Variants in ANKFY1 observed in about 807,000 individuals in gnomAD.
ANKFY1 encodes the protein ankyrin repeat and FYVE domain containing 1, also known as ankyrin repeat and FYVE domain-containing protein 1.
A neutral mutation model predicts 128.3 loss-of-function variants in ANKFY1; 47 were observed. The observed-to-expected ratio is 0.37, with a 90% CI of 0.29 to 0.47. The LOEUF (loss-of-function observed/expected upper bound fraction) is 0.47. ANKFY1 is among the 20% of genes least tolerant of loss of function. ANKFY1 has a pLI of 1.00. For synonymous variants in ANKFY1, 553 were observed against 601.6 expected, an observed-to-expected ratio of 0.92 and a Z score of 1.18; for missense variants, 1,222 against 1,510.6, an observed-to-expected ratio of 0.81 and a Z score of 3.17.
At chr17:4,257,079 T>C (rs1384784893) in intron 1 of ANKFY1, among the ~76,000 whole-genome samples, 1 of 152,180 alleles carries the variant, frequency 6.6e-6, no homozygotes, top group Admixed American at 6.5e-5. Context: ...TCCAATCTAT[T>C]CCTCCTCTAC....
At chr17:4,203,263 TTCA>T (rs2059965367) in intron 7 of ANKFY1, among the ~76,000 whole-genome samples, 1 of 152,190 alleles carries the variant, frequency 6.6e-6, no homozygotes, top group South Asian at 2.1e-4. Context: ...TTTCAGTTAC[TTCA>T]TCACCTCATT....
intron 1 of ANKFY1, among the ~76,000 whole-genome samples, chr17:4,257,300 C>CCAAT (rs2143556225): frequency 6.6e-6 from 1 of 152,292 alleles, no homozygotes; most frequent in Non-Finnish European, 1.5e-5. Flanking sequence ...TCCTTTCTTC[C>CCAAT]CAATCCATCC....
At chr17:4,221,073 T>C (rs1413674435) in intron 3 of ANKFY1, among the ~76,000 whole-genome samples, 1 of 152,238 alleles carries the variant, frequency 6.6e-6, no homozygotes, top group Non-Finnish European at 1.5e-5. Context: ...TTGGAGACTT[T>C]AGGATTTTCT....
In ANKFY1 at chr17:4,178,894, T is replaced by G; in HGVS notation, c.2561A>C (p.Glu854Ala). 6.2e-7 allele frequency: 1 copy of G among 1,614,224 alleles called. No homozygotes were observed. The highest frequency in any genetic ancestry group is 8.5e-7 in the Non-Finnish European group (1 of 1,180,030). The change falls in exon 18 of 25, where the codon GAG becomes GCG. Residue 854 changes from glutamate (E) to alanine (A), a missense_variant. Physicochemically the swap from Glu to Ala is moderately radical, Grantham distance 107 (BLOSUM62 -1). Coordinates refer to ENST00000341657, the MANE Select transcript of ANKFY1 (RefSeq NM_001330063.2). This position sits in a 1 kb window ranked among gnomAD's most constrained non-coding sequence, Gnocchi z 4.1. ...CCCGGACTCTCGTTTGAGAATGGCC[T>G]CGGCTGACTTGTTGTTCTTGAAAGT... ...AMTFKNNKSA[E>A]AILKRESGAA... is the part of the protein sequence containing the mutation.
intron 7 of ANKFY1, among the ~76,000 whole-genome samples, chr17:4,199,668 T>C (rs1325231383): frequency 3.9e-5 from 6 of 152,200 alleles, no homozygotes; most frequent in Non-Finnish European, 7.3e-5. Flanking sequence ...TGACTCTAGA[T>C]TGGTTCTACA....
At chr17:4,227,976 A>C (rs142697461) in intron 3 of ANKFY1, among the ~76,000 whole-genome samples, 290 of 152,298 alleles carry the variant, frequency 1.9e-3, no homozygotes, top group African/African-American at 6.6e-3. Context: ...CTTAACATTA[A>C]ACAGTCCCTC....
rs2059232430 is a variant in ANKFY1 at position 4,167,600 on chromosome 17, C to T, written c.*179G>A. 3 of 578,440 alleles carry T rather than the reference C, an allele frequency of 5.2e-6. No homozygotes were observed. The highest frequency in any genetic ancestry group is 8.4e-6 in the Non-Finnish European group (3 of 355,292). The allele number at this position is 578,440 out of a possible 1,614,324, so 35.8% of individuals were successfully genotyped here. A position where few individuals can be genotyped will look rare whatever the true frequency, so the allele number is the denominator to read the frequency against. On this transcript the variant is annotated 3_prime_UTR_variant, in exon 25 of 25. Coordinates refer to ENST00000341657, the MANE Select transcript of ANKFY1 (RefSeq NM_001330063.2). This position sits in a 1 kb window ranked among gnomAD's most constrained non-coding sequence, Gnocchi z 4.1. ...AATCGATCACAGTCTGACACACACA[C>T]TGACAATCATATGGAATCATTTGAA...
At chr17:4,245,726 G>T (rs773051981) in intron 1 of ANKFY1, among the ~76,000 whole-genome samples, 1 of 142,654 alleles carries the variant, frequency 7.0e-6, no homozygotes, top group Admixed American at 7.3e-5. Flanking sequence ...CTGGACAACA[G>T]AGCAAGACCC....
intron 1 of ANKFY1, among the ~76,000 whole-genome samples, chr17:4,262,777 C>A (rs776949832): frequency 9.9e-5 from 15 of 152,200 alleles, no homozygotes; most frequent in Non-Finnish European, 1.9e-4. Flanking sequence ...CCAAAACCAA[C>A]TGGGTGTCAG....
intron 3 of ANKFY1, chr17:4,223,787 C>A (rs2060370398): frequency 2.0e-6 from 3 of 1,509,584 alleles, no homozygotes; most frequent in Non-Finnish European, 2.7e-6. Flanking sequence ...GCAGCTGGTA[C>A]AGTGTCTCAC....
At position 4,167,403 on chromosome 17, in the gene ANKFY1, C is replaced by G. The variant is rs2059229224; in HGVS notation, c.*376G>C. ...GAGAGGCTCTGCCTCATCAGTCAGC[C>G]CAGGCGGGAAGACTTCATGAATGCT... On this transcript the variant is annotated 3_prime_UTR_variant, in exon 25 of 25. Transcript: ENST00000341657. The surrounding 1 kb of genome is among the most constrained non-coding windows in gnomAD (Gnocchi z 4.1). The G allele has an allele frequency of 1.2e-5, 2 of 163,058 alleles. No individual in the cohort carries two copies. Among genetic ancestry groups the G allele is most frequent in the Non-Finnish European group, 2.7e-5 (2 of 75,456 alleles). The allele number at this position is 163,058 out of a possible 1,614,324, so 10.1% of individuals were successfully genotyped here.
chr17:4,195,227 T>C lies in ANKFY1; in HGVS notation c.1173-50A>G, dbSNP rs768699028. 17 of 1,537,454 alleles carry C rather than the reference T, an allele frequency of 1.1e-5. No homozygotes were observed. The East Asian group carries it at 3.8e-4, about 35-fold the overall frequency. ...AGCACATACAATCTTTTTGAGACAC[T>C]CTATACTGACAACAACCTGGTTCTT... On this transcript the variant is annotated intron_variant, in intron 9 of 24. Coordinates refer to ENST00000341657, the MANE Select transcript of ANKFY1 (RefSeq NM_001330063.2).
chr17:4,238,152 TAAAAAAAAAAAA>T (rs55944256), intron 2 of ANKFY1, among the ~76,000 whole-genome samples: 3 of 92,670 alleles, frequency 3.2e-5, no homozygotes, highest in South Asian at 4.2e-4. Flanking sequence ...CTTATTTATT[TAAAAAAAAAAAA>T]AAAAAAAAAA....
intron 1 of ANKFY1, among the ~76,000 whole-genome samples, chr17:4,243,476 C>T (rs1281935385): frequency 1.3e-5 from 2 of 152,152 alleles, no homozygotes; most frequent in African/African-American, 4.8e-5. Context: ...GGACCACAGG[C>T]ACATCCCACT....
At chr17:4,231,612 T>C (rs1387186357) in intron 3 of ANKFY1, among the ~76,000 whole-genome samples, 2 of 152,190 alleles carry the variant, frequency 1.3e-5, no homozygotes, top group Admixed American at 1.3e-4. Context: ...AAAGTGTATA[T>C]AATGCCTGTT....
intron 7 of ANKFY1, among the ~76,000 whole-genome samples, chr17:4,202,141 G>C (rs2059938643): frequency 6.6e-6 from 1 of 152,116 alleles, no homozygotes; most frequent in South Asian, 2.1e-4. Flanking sequence ...AGCGGCTCCT[G>C]ACTGTAATCC....
At position 4,262,952 on chromosome 17, in the gene ANKFY1, C is replaced by G. The variant is rs147690578; in HGVS notation, c.10+980G>C. ...AGATCCATCAAGTGATGGGTTCAGT[C>G]AAAGCTCAAAACCAACAGGAAAGGT... On this transcript the variant is annotated intron_variant, in intron 1 of 24. Coordinates refer to ENST00000341657, the MANE Select transcript of ANKFY1 (RefSeq NM_001330063.2). 2.6e-5 allele frequency among the ~76,000 whole-genome samples: 4 copies of G among 152,248 alleles called. No homozygotes were observed. In the East Asian group the frequency reaches 7.7e-4, roughly 29 times the overall value.
intron 3 of ANKFY1, among the ~76,000 whole-genome samples, chr17:4,231,557 T>G (rs2060512611): frequency 6.6e-6 from 1 of 152,144 alleles, no homozygotes; most frequent in African/African-American, 2.4e-5. Context: ...GTACAAACAT[T>G]TCACTTTTTT....
chr17:4,215,246 C>T (rs8064715), intron 4 of ANKFY1, among the ~76,000 whole-genome samples: 7,608 of 149,906 alleles, frequency 0.051, 416 homozygotes, highest in African/African-American at 0.14. Flanking sequence ...CAAGACTGTG[C>T]CATTGCACTC....
Sources: allele counts gnomAD v4.1 joint callset (sites outside exome capture counted in the v4.1 genomes callset), GRCh38; gene constraint gnomAD v4.1.1; non-coding constraint Gnocchi (gnomAD v3.1); transcripts MANE v1.5; gene names NCBI Gene and HGNC (gene_info 2026-07-23, HGNC 2026-07-21).